The following SPDYE14 variants were observed in gnomAD, a reference collection of about 807,000 sequenced individuals.
The protein encoded by SPDYE14 is speedy protein E14.
chr7:75,279,452 AT>A, the SPDYE14 span, among the ~76,000 whole-genome samples: 2,375 of 92,654 alleles, frequency 0.026, 13 homozygotes, highest in African/African-American at 0.089. Context: ...ACACCCAGCT[AT>A]TTTTTTTTTT....
chr7:75,237,953 A>C, the SPDYE14 span, among the ~76,000 whole-genome samples: 3 of 100,628 alleles, frequency 3.0e-5, no homozygotes, highest in African/African-American at 8.6e-5. Flanking sequence ...GCCTGAGCCT[A>C]GGCGCGCCCT....
chr7:75,261,477 T>TTC, the SPDYE14 span, among the ~76,000 whole-genome samples: 1 of 100,728 alleles, frequency 9.9e-6, no homozygotes, highest in Non-Finnish European at 2.0e-5. Context: ...TTTTTTTTTT[T>TTC]AAAGAGACAG....
the SPDYE14 span, among the ~76,000 whole-genome samples, chr7:75,247,439 A>G: frequency 2.0e-4 from 14 of 68,938 alleles, 1 homozygote; most frequent in Non-Finnish European, 3.6e-4. Flanking sequence ...AGAGAGAGAG[A>G]AAGAGAAAGA....
chr7:75,247,590 T>TC, the SPDYE14 span, among the ~76,000 whole-genome samples: 5,045 of 22,230 alleles, frequency 0.23, 445 homozygotes, highest in South Asian at 0.37. Context: ...TAATTCTTCT[T>TC]TTTTTTTTTT....
At chr7:75,238,324 CA>C in the SPDYE14 span, among the ~76,000 whole-genome samples, 2 of 97,544 alleles carry the variant, frequency 2.1e-5, no homozygotes, top group Non-Finnish European at 4.3e-5. Flanking sequence ...GGCTTTGTTG[CA>C]GCGGAAAATG....
chr7:75,238,000 G>C, the SPDYE14 span, among the ~76,000 whole-genome samples: 3 of 111,224 alleles, frequency 2.7e-5, no homozygotes, highest in African/African-American at 8.2e-5. Flanking sequence ...GGTGCTTGGA[G>C]TGTAAAGCGA....
the SPDYE14 span, among the ~76,000 whole-genome samples, chr7:75,268,083 C>CTG: frequency 5.0e-5 from 1 of 20,022 alleles, no homozygotes; most frequent in African/African-American, 1.5e-4. Context: ...AGAATCTTGT[C>CTG]TGTACCCCGT....
the SPDYE14 span, among the ~76,000 whole-genome samples, chr7:75,246,609 T>C: frequency 1.2e-4 from 1 of 8,072 alleles, no homozygotes; most frequent in African/African-American, 4.8e-4. Context: ...GCCACTGCAC[T>C]CCAGCCTGGG....
At chr7:75,237,708 C>T in the SPDYE14 span, 1 of 110,532 alleles carries the variant, frequency 9.0e-6, no homozygotes, top group Non-Finnish European at 2.1e-5. Context: ...TAACAAACAA[C>T]TTGCCACTCA....
chr7:75,266,116 G>GTAT, the SPDYE14 span, among the ~76,000 whole-genome samples: 1 of 51,828 alleles, frequency 1.9e-5, no homozygotes, highest in African/African-American at 6.5e-5. Context: ...TTGAGGACTT[G>GTAT]TATGACTCTT....
At chr7:75,241,695 A>ATATT in the SPDYE14 span, among the ~76,000 whole-genome samples, 8 of 15,484 alleles carry the variant, frequency 5.2e-4, 1 homozygote, top group East Asian at 0.013. Flanking sequence ...ATATATATAT[A>ATATT]TTTTTTTTTT....
the SPDYE14 span, among the ~76,000 whole-genome samples, chr7:75,274,944 AAGT>A: frequency 1.6e-5 from 1 of 62,142 alleles, no homozygotes; most frequent in African/African-American, 3.8e-5. Context: ...ACATTTACAA[AAGT>A]AGACAGAAGA....
At chr7:75,268,868 AG>A in the SPDYE14 span, among the ~76,000 whole-genome samples, 1 of 23,464 alleles carries the variant, frequency 4.3e-5, no homozygotes, top group African/African-American at 9.4e-5. Flanking sequence ...AGAGAGAGAG[AG>A]AGAGAGAGAG....
the SPDYE14 span, among the ~76,000 whole-genome samples, chr7:75,260,111 ATTTTT>A: frequency 1.8e-5 from 1 of 54,564 alleles, no homozygotes; most frequent in Admixed American, 1.9e-4. Flanking sequence ...CCTCAGATCT[ATTTTT>A]TTTTTTTTTT....
At chr7:75,261,453 C>CTTTTT in the SPDYE14 span, among the ~76,000 whole-genome samples, 1 of 39,934 alleles carries the variant, frequency 2.5e-5, no homozygotes, top group African/African-American at 9.6e-5. Context: ...TCAAGAACAC[C>CTTTTT]TTTTTTTTTT....
chr7:75,257,167 CA>C, the SPDYE14 span, among the ~76,000 whole-genome samples: 7 of 21,236 alleles, frequency 3.3e-4, no homozygotes, highest in African/African-American at 4.9e-4. Context: ...GATTCTGTCT[CA>C]AAAAAAAAAA....
At chr7:75,266,078 C>G in the SPDYE14 span, among the ~76,000 whole-genome samples, 1 of 77,540 alleles carries the variant, frequency 1.3e-5, no homozygotes, top group Non-Finnish European at 2.7e-5. Flanking sequence ...TTAATTTATG[C>G]TGTTTGTTCT....
At chr7:75,247,481 A>AAAAGAAAG in the SPDYE14 span, among the ~76,000 whole-genome samples, 8 of 109,810 alleles carry the variant, frequency 7.3e-5, no homozygotes, top group African/African-American at 1.8e-4. Context: ...AGAAAGAAAG[A>AAAAGAAAG]AAAGAAAGAA....
the SPDYE14 span, among the ~76,000 whole-genome samples, chr7:75,276,579 A>T: frequency 3.5e-4 from 3 of 8,608 alleles, no homozygotes; most frequent in African/African-American, 1.1e-3. Flanking sequence ...ACTCTGTCTC[A>T]AAAAAAAAAA....
Sources: allele counts gnomAD v4.1 joint callset (sites outside exome capture counted in the v4.1 genomes callset), GRCh38; gene constraint gnomAD v4.1.1; transcripts MANE v1.5; gene names NCBI Gene and HGNC (gene_info 2026-07-23, HGNC 2026-07-21).